Variants in ELOVL6 observed in about 807,000 individuals in gnomAD.
ELOVL6 encodes the protein very long chain fatty acid elongase 6.
A neutral mutation model predicts 31.7 loss-of-function variants in ELOVL6; 8 were observed. The observed-to-expected ratio is 0.25, with a 90% CI of 0.15 to 0.45. ELOVL6 has a LOEUF of 0.45. Ranked by LOEUF, ELOVL6 falls within the 20% of genes least tolerant of loss-of-function variation. The pLI is 1.00. For synonymous variants in ELOVL6, 101 were observed against 117.7 expected (o/e 0.86, Z 0.92); for missense variants, 126 against 326.4 (o/e 0.39, Z 4.73).
intron 2 of ELOVL6, among the ~76,000 whole-genome samples, chr4:110,099,939 A>G (rs182220664): frequency 5.3e-4 from 81 of 152,356 alleles, no homozygotes; most frequent in African/African-American, 1.8e-3. Flanking sequence ...GCCAAATCTA[A>G]CTTCTTTGCC....
At chr4:110,053,817 TG>T (rs1421943688) in intron 3 of ELOVL6, among the ~76,000 whole-genome samples, 1 of 152,162 alleles carries the variant, frequency 6.6e-6, no homozygotes, top group Non-Finnish European at 1.5e-5. Context: ...TGGGTGCCTG[TG>T]GTCCCAGCTA....
intron 1 of ELOVL6, among the ~76,000 whole-genome samples, chr4:110,178,819 T>G (rs1759192323): frequency 6.6e-6 from 1 of 152,080 alleles, no homozygotes; most frequent in Non-Finnish European, 1.5e-5. Context: ...AGAGAGAGAC[T>G]CTGTCCTAAA....
intron 1 of ELOVL6, among the ~76,000 whole-genome samples, chr4:110,164,555 C>T (rs749677832): frequency 7.9e-5 from 12 of 151,888 alleles, no homozygotes; most frequent in Non-Finnish European, 1.5e-5. Context: ...GCTGAGGCAA[C>T]GTGGCGAAAG....
intron 1 of ELOVL6, among the ~76,000 whole-genome samples, chr4:110,167,885 G>A (rs376472679): frequency 5.9e-5 from 9 of 152,208 alleles, no homozygotes; most frequent in African/African-American, 2.2e-4. Context: ...TCCATGATTA[G>A]GGCTATTCTA....
At chr4:110,067,066 T>C in intron 2 of ELOVL6, among the ~76,000 whole-genome samples, 1 of 152,202 alleles carries the variant, frequency 6.6e-6, no homozygotes, top group Non-Finnish European at 1.5e-5. Flanking sequence ...TTCAATAATA[T>C]AATAAGCCAA....
At chr4:110,178,337 G>A (rs1253862099) in intron 1 of ELOVL6, among the ~76,000 whole-genome samples, 2 of 152,096 alleles carry the variant, frequency 1.3e-5, no homozygotes, top group African/African-American at 4.8e-5. Context: ...CTTGAGGTCA[G>A]GAGTTCGAGA....
chr4:110,158,653 A>AT (rs1239958584), intron 1 of ELOVL6, among the ~76,000 whole-genome samples: 4 of 85,246 alleles, frequency 4.7e-5, no homozygotes, highest in South Asian at 3.7e-4. Flanking sequence ...ATATATATAT[A>AT]TATATTTTTT....
At chr4:110,120,063 T>A (rs889520934) in intron 1 of ELOVL6, among the ~76,000 whole-genome samples, 2 of 152,202 alleles carry the variant, frequency 1.3e-5, no homozygotes, top group Admixed American at 6.5e-5. Flanking sequence ...GACTCAACAT[T>A]CCTTTGAAAG....
intron 1 of ELOVL6, among the ~76,000 whole-genome samples, chr4:110,178,239 GATA>G (rs35485773): frequency 0.049 from 7,399 of 152,164 alleles, 236 homozygotes; most frequent in African/African-American, 0.085. Flanking sequence ...TGAAAACTAT[GATA>G]ATATTTTTGT....
chr4:110,114,312 G>A (rs965492798), intron 1 of ELOVL6, among the ~76,000 whole-genome samples: 3 of 151,980 alleles, frequency 2.0e-5, no homozygotes, highest in African/African-American at 7.3e-5. Context: ...ACAATTATGG[G>A]CTATGTCAGT....
chr4:110,069,106 G>A (rs57887870), intron 2 of ELOVL6, among the ~76,000 whole-genome samples: 7,696 of 149,348 alleles, frequency 0.052, 234 homozygotes, highest in East Asian at 0.14. Flanking sequence ...CTCCAGCCTG[G>A]GTGACAGAGC....
intron 1 of ELOVL6, among the ~76,000 whole-genome samples, chr4:110,127,334 G>A (rs1462729342): frequency 6.8e-6 from 1 of 147,850 alleles, no homozygotes; most frequent in East Asian, 2.1e-4. Context: ...TTGAACCCGG[G>A]AGGCAGAGGT....
intron 1 of ELOVL6, among the ~76,000 whole-genome samples, chr4:110,136,935 C>A (rs186436395): frequency 7.0e-4 from 106 of 152,192 alleles, no homozygotes; most frequent in African/African-American, 2.5e-3. Flanking sequence ...TGTTAAAGAG[C>A]TGTGACACTC....
intron 2 of ELOVL6, among the ~76,000 whole-genome samples, chr4:110,093,783 A>C (rs1041344940): frequency 5.3e-5 from 8 of 152,208 alleles, no homozygotes; most frequent in African/African-American, 1.7e-4. Context: ...AATGAACCAC[A>C]GAAGTAATAC....
chr4:110,109,389 G>A (rs1756969519), intron 1 of ELOVL6, among the ~76,000 whole-genome samples: 2 of 152,098 alleles, frequency 1.3e-5, no homozygotes, highest in African/African-American at 4.8e-5. Flanking sequence ...CAACCCAAAT[G>A]AAATACTGAT....
chr4:110,192,202 AAAAAG>A (rs1358622585), intron 1 of ELOVL6, among the ~76,000 whole-genome samples: 2 of 151,962 alleles, frequency 1.3e-5, no homozygotes, highest in Non-Finnish European at 2.9e-5. Context: ...GAAAAAAAAA[AAAAAG>A]AAAGAAAGAA....
chr4:110,046,738 C>G lies in ELOVL6; in HGVS notation c.*4600G>C, dbSNP rs769289926. 2.0e-5 allele frequency: 3 copies of G among 152,178 alleles called. No individual in the cohort carries two copies. The highest frequency in any genetic ancestry group is 6.5e-5 in the Admixed American group (1 of 15,278). 9.4% of individuals were successfully genotyped at this position (152,178 alleles called of 1,614,324 possible). ...AACAGCATTCAAGAAAATGCTGTGA[C>G]TGCACTGACACTTGTTTTGTGTAAG... is the stretch of plus-strand genomic sequence containing the variant. On this transcript the variant is annotated 3_prime_UTR_variant, in exon 4 of 4. Transcript: ENST00000302274.
rs1427051010 is a variant in ELOVL6 at position 110,081,230 on chromosome 4, T to C, written c.222-21476A>G. Among the ~76,000 whole-genome samples the C allele has an allele frequency of 4.6e-5, 7 of 152,242 alleles. No homozygotes were observed. In the South Asian group the frequency reaches 1.2e-3, roughly 27 times the overall value. ...CTACCAATGATTTTCTTCACAGAAT[T>C]GGAAAAAACCACTTTAAAGTTCATA... On this transcript the variant is annotated intron_variant, in intron 2 of 3. Transcript: ENST00000302274.
chr4:110,112,154 G>A (rs2126249562), intron 1 of ELOVL6, among the ~76,000 whole-genome samples: 1 of 152,082 alleles, frequency 6.6e-6, no homozygotes, highest in East Asian at 1.9e-4. Flanking sequence ...AGCTGGGAAG[G>A]AAGACAGAAT....
Sources: gnomAD v4.1 joint callset for allele counts (sites outside exome capture counted in the v4.1 genomes callset) on GRCh38, gnomAD v4.1.1 for gene constraint, MANE v1.5 for transcripts, NCBI Gene and HGNC (gene_info 2026-07-23, HGNC 2026-07-21) for gene names.